The following RIF1 variants were observed in gnomAD, a reference collection of about 807,000 sequenced individuals.
RIF1 encodes telomere-associated protein RIF1.
RIF1 carries 45 observed loss-of-function variants against 247.1 expected under a neutral mutation model. The observed-to-expected ratio is 0.18, with a 90% CI of 0.14 to 0.23. The LOEUF (loss-of-function observed/expected upper bound fraction) is 0.23, where lower values mean the gene tolerates loss of function less well. Among genes scored for constraint, RIF1 ranks in the 10% least tolerant of loss-of-function variants. The pLI is 1.00. For synonymous variants in RIF1, 1,087 were observed against 978.8 expected, an observed-to-expected ratio of 1.11 and a Z score of -2.06; for missense variants, 2,967 against 2,862.5, an observed-to-expected ratio of 1.04 and a Z score of -0.83.
At chr2:151,494,308 CA>C in intron 9 of RIF1, 2 of 1,209,122 alleles carry the variant, frequency 1.7e-6, no homozygotes, top group Non-Finnish European at 1.2e-6. Flanking sequence ...TAACAGTTAC[CA>C]AAAAAGGAAA....
At chr2:151,527,693 T>C in the RIF1 span, 1 of 750,426 alleles carries the variant, frequency 1.3e-6, no homozygotes, top group East Asian at 2.8e-5. Context: ...CAAATCATGA[T>C]TCCTAATGCA....
At chr2:151,519,690 C>T in the RIF1 span, 1 of 1,612,600 alleles carries the variant, frequency 6.2e-7, no homozygotes, top group Non-Finnish European at 8.5e-7. Flanking sequence ...TCTTTCATGA[C>T]TTTGTAGAGC....
chr2:151,410,157 C>G (rs1420334747), intron 1 of RIF1, 124 bp downstream of exon 1: 8 of 664,224 alleles, frequency 1.2e-5, no homozygotes, highest in Non-Finnish European at 2.2e-5. Context: ...GATCTCCTCC[C>G]TCTGTTGAAA....
chr2:151,449,671 A>C (rs1379838320), intron 20 of RIF1, among the ~76,000 whole-genome samples: 1 of 152,172 alleles, frequency 6.6e-6, no homozygotes, highest in Non-Finnish European at 1.5e-5. Context: ...AGGCTTATCT[A>C]AGTCTACCAA....
chr2:151,468,797 C>G, intron 33 of RIF1, 41 bp downstream of exon 33: 1 of 1,372,100 alleles, frequency 7.3e-7, no homozygotes, highest in South Asian at 1.2e-5. Context: ...TTCCAAGATG[C>G]CACTTATTTA....
At chr2:151,498,393 A>C in intron 10 of RIF1, 1 of 1,422,888 alleles carries the variant, frequency 7.0e-7, no homozygotes, top group African/African-American at 1.4e-5. Flanking sequence ...AAAGCAATCA[A>C]TCAGTCATTT....
chr2:151,497,442 G>GTATT (rs1289623731), intron 10 of RIF1: 1 of 980,746 alleles, frequency 1.0e-6, no homozygotes, highest in African/African-American at 1.8e-5. Context: ...GAAATTAACT[G>GTATT]TATTATAGAA....
At chr2:151,488,585 G>T (rs951154055) in intron 9 of RIF1, among the ~76,000 whole-genome samples, 1 of 152,058 alleles carries the variant, frequency 6.6e-6, no homozygotes. Flanking sequence ...AGTCGAGACT[G>T]CAGCGAGCTG....
intron 20 of RIF1, among the ~76,000 whole-genome samples, chr2:151,448,725 C>T (rs1251914614): frequency 6.6e-6 from 1 of 152,052 alleles, no homozygotes; most frequent in South Asian, 2.1e-4. Flanking sequence ...TTGTTTATTT[C>T]TGTACTTTAT....
chr2:151,507,213 A>G (rs942026220), intron 13 of RIF1: 1 of 515,190 alleles, frequency 1.9e-6, no homozygotes, highest in Non-Finnish European at 3.4e-6. Context: ...ATATAAAGCT[A>G]GGGGTTTGTT....
At chr2:151,413,779 C>T (rs1376164062) in intron 3 of RIF1, among the ~76,000 whole-genome samples, 1 of 152,142 alleles carries the variant, frequency 6.6e-6, no homozygotes, top group Non-Finnish European at 1.5e-5. Flanking sequence ...AGGGAAGTAT[C>T]TGCTCATATA....
In RIF1 at chr2:151,481,336, A is replaced by T. The variant is rs1208144385; in HGVS notation, c.*6265A>T. The T allele has an allele frequency of 6.6e-6, 1 of 152,224 alleles. No individual in the cohort carries two copies. The highest frequency in any genetic ancestry group is 2.4e-5 in the African/African-American group (1 of 41,456). The allele number at this position is 152,224 out of a possible 1,614,324, so 9.4% of individuals were successfully genotyped here. The stretch of plus-strand genomic sequence containing the variant: ...TTTTACTATTGCTCAAATTACAGAT[A>T]CTAGGAAACACTACTACTTTATAAG... On this transcript the variant is annotated 3_prime_UTR_variant, in exon 36 of 36. Coordinates refer to ENST00000444746, the MANE Select transcript of RIF1 (RefSeq NM_018151.5).
At chr2:151,436,682 C>G (rs1691281191) in intron 11 of RIF1, 145 bp from the exon 12 acceptor site, 2 of 569,154 alleles carry the variant, frequency 3.5e-6, no homozygotes, top group African/African-American at 3.8e-5. Context: ...AGAATACCTG[C>G]ATATTAATAT....
rs1446787808 is a variant in RIF1 at position 151,465,627 on chromosome 2, A to G, written c.6107A>G (p.Asp2036Gly). The G allele has an allele frequency of 6.2e-7, 1 of 1,614,012 alleles. No individual in the cohort carries two copies. Among genetic ancestry groups the G allele is most frequent in the African/African-American group, 1.3e-5 (1 of 74,930 alleles). ...GAGGCAATGGCTGAAACTGGCCATG[A>G]TGGTGAAACAGAGAATGAGGGCATA... ...IGEAMAETGH[D>G]GETENEGITT... Residue 2036 changes from aspartate to glycine, a missense_variant, in exon 30 of 36, where the codon GAT (aspartate) becomes GGT (glycine). Asp to Gly is a moderately conservative substitution (Grantham distance 94). This residue lies in a region of RIF1 where 2,028 missense variants were observed against 1,825.6 expected (regional missense o/e 1.11). Transcript: ENST00000444746.
chr2:151,472,032 C>T (rs965931852), intron 34 of RIF1, among the ~76,000 whole-genome samples: 6 of 151,978 alleles, frequency 3.9e-5, no homozygotes, highest in Non-Finnish European at 8.8e-5. Context: ...TGTTTGTGTC[C>T]TCTTTTATTT....
At chr2:151,412,300 A>AT (rs962003416) in intron 3 of RIF1, among the ~76,000 whole-genome samples, 5 of 113,736 alleles carry the variant, frequency 4.4e-5, no homozygotes, top group Admixed American at 1.1e-4. Context: ...TCTTTTTTTA[A>AT]TTTTTTTTGT....
chr2:151,501,371 AAG>A, intron 11 of RIF1: 1 of 1,464,888 alleles, frequency 6.8e-7, no homozygotes, highest in Non-Finnish European at 9.4e-7. Context: ...TATGGAGTTA[AAG>A]AGCTTTCTCC....
At chr2:151,531,361 G>A in the RIF1 span, among the ~76,000 whole-genome samples, 1 of 130,402 alleles carries the variant, frequency 7.7e-6, no homozygotes, top group African/African-American at 2.9e-5. Flanking sequence ...TTGCCACCCA[G>A]GCTGGAGTGC....
chr2:151,436,866 T>A lies in RIF1; in HGVS notation c.1235T>A (p.Met412Lys). Residue 412 changes from methionine to lysine, a missense_variant, in exon 12 of 36, where the codon ATG (methionine) becomes AAG (lysine). Met to Lys is a moderately conservative substitution (Grantham distance 95). Coordinates refer to ENST00000444746, the MANE Select transcript of RIF1 (RefSeq NM_018151.5). ...TACGGAGCCCCGGGAACTCCCCGAA[T>A]GAACCTGAGTTCGAATTTAGGTGGA... ...SPYGAPGTPR[M>K]NLSSNLGGMA... 6.2e-7 allele frequency: 1 copy of A among 1,613,206 alleles called. No homozygotes were observed. Among genetic ancestry groups the A allele is most frequent in the Non-Finnish European group, 8.5e-7 (1 of 1,179,622 alleles).
Sources: gnomAD v4.1 joint callset for allele counts (sites outside exome capture counted in the v4.1 genomes callset) on GRCh38, gnomAD v4.1.1 for gene constraint, gnomAD v4.1.1 regional missense constraint, MANE v1.5 for transcripts, NCBI Gene and HGNC (gene_info 2026-07-23, HGNC 2026-07-21) for gene names.